The following AGBL4 variants were observed in gnomAD, a reference collection of about 807,000 sequenced individuals.
AGBL4 encodes AGBL carboxypeptidase 4.
A neutral mutation model predicts 66.4 loss-of-function variants in AGBL4; 58 were observed. That is an observed-to-expected ratio of 0.87 (90% CI 0.71 to 1.09). The LOEUF (loss-of-function observed/expected upper bound fraction) is 1.09, where lower values mean the gene tolerates loss of function less well. Ranked by LOEUF, AGBL4 falls within the 50% of genes least tolerant of loss-of-function variation. The probability of loss-of-function intolerance (pLI) is 0.00; values close to 1 mark genes in which losing one functional copy is unlikely to be tolerated. For synonymous variants in AGBL4, 234 were observed against 222.9 expected, an observed-to-expected ratio of 1.05 and a Z score of -0.44; for missense variants, 579 against 631.0, an observed-to-expected ratio of 0.92 and a Z score of 0.88.
intron 8 of AGBL4, among the ~76,000 whole-genome samples, chr1:48,647,803 G>A (rs1358864438): frequency 2.0e-5 from 3 of 152,196 alleles, no homozygotes; most frequent in Non-Finnish European, 4.4e-5. Context: ...AAGTGCTGCA[G>A]TGTGTGTTGT....
intron 3 of AGBL4, among the ~76,000 whole-genome samples, chr1:49,691,103 G>A (rs1646878183): frequency 6.6e-6 from 1 of 152,120 alleles, no homozygotes; most frequent in African/African-American, 2.4e-5. Context: ...AGGAGAAAAG[G>A]AAGGTCGAAA....
intron 3 of AGBL4, among the ~76,000 whole-genome samples, chr1:49,340,920 G>C (rs779645672): frequency 6.6e-6 from 1 of 152,180 alleles, no homozygotes; most frequent in Non-Finnish European, 1.5e-5. Flanking sequence ...TTTAAAGATA[G>C]TAATATAGAT....
intron 9 of AGBL4, among the ~76,000 whole-genome samples, chr1:48,605,103 C>T (rs1159380702): frequency 2.0e-5 from 3 of 152,264 alleles, no homozygotes; most frequent in East Asian, 3.9e-4. Flanking sequence ...GAATGCATTG[C>T]TTAAGTTTAC....
chr1:50,008,196 A>G (rs1039351819), intron 1 of AGBL4, among the ~76,000 whole-genome samples: 1 of 152,216 alleles, frequency 6.6e-6, no homozygotes, highest in African/African-American at 2.4e-5. Flanking sequence ...GAACATTTCA[A>G]CCAATGGCTG....
intron 3 of AGBL4, among the ~76,000 whole-genome samples, chr1:49,679,575 T>C (rs919119927): frequency 3.9e-5 from 6 of 152,190 alleles, no homozygotes; most frequent in Non-Finnish European, 7.3e-5. Context: ...GAATTATGCA[T>C]ATGTTAGGGC....
intron 3 of AGBL4, among the ~76,000 whole-genome samples, chr1:49,446,990 G>A (rs1646172491): frequency 6.6e-6 from 1 of 152,092 alleles, no homozygotes; most frequent in South Asian, 2.1e-4. Flanking sequence ...CAGAGGCCAT[G>A]CCACCAGTTG....
chr1:49,998,445 A>T (rs1451610497), intron 1 of AGBL4, among the ~76,000 whole-genome samples: 1 of 152,140 alleles, frequency 6.6e-6, no homozygotes, highest in East Asian at 1.9e-4. Flanking sequence ...TGGTAATTTT[A>T]AAATTGCCAA....
chr1:49,084,012 G>T (rs557155045), intron 4 of AGBL4, among the ~76,000 whole-genome samples: 1 of 152,302 alleles, frequency 6.6e-6, no homozygotes, highest in African/African-American at 2.4e-5. Flanking sequence ...CTTTGCTCCA[G>T]TTCCCAACAA....
intron 6 of AGBL4, among the ~76,000 whole-genome samples, chr1:48,790,040 A>G (rs190520489): frequency 4.0e-4 from 61 of 152,334 alleles, no homozygotes; most frequent in Admixed American, 2.5e-3. Context: ...GCACATTTTC[A>G]AGAAGCTGAA....
At chr1:49,486,387 C>A (rs1469140277) in intron 3 of AGBL4, among the ~76,000 whole-genome samples, 1 of 151,818 alleles carries the variant, frequency 6.6e-6, no homozygotes, top group Non-Finnish European at 1.5e-5. Flanking sequence ...TTAAACACAC[C>A]CAACCCTCTG....
intron 7 of AGBL4, among the ~76,000 whole-genome samples, chr1:48,654,862 T>A (rs1482299437): frequency 3.3e-5 from 5 of 152,256 alleles, no homozygotes; most frequent in Non-Finnish European, 7.3e-5. Flanking sequence ...CCAGATGCCC[T>A]AATTTATTTG....
At position 48,961,080 on chromosome 1, in the gene AGBL4, G is replaced by GGGGTGT. The variant is rs1553130836; in HGVS notation, c.594+84503_594+84504insACACCC. Reference sequence around the variant, plus strand: ...TGCCCTTGGGCAGATCCCAGTCTGGGGTGTGTGTGTGTGTGTGTGTGTGTG... The same window carrying GGGGTGT: ...TGCCCTTGGGCAGATCCCAGTCTGGGGGGTGTGTGTGTGTGTGTGTGTGTGTGTGTG... On this transcript the variant is annotated intron_variant, in intron 5 of 13. Transcript: ENST00000371839. Among the ~76,000 whole-genome samples, 460 of 148,708 alleles carry GGGGTGT rather than the reference G, an allele frequency of 3.1e-3. 3 individuals carry two copies. The highest frequency in any genetic ancestry group is 0.01 in the African/African-American group (408 of 40,688).
At chr1:48,721,294 A>T (rs995197065) in intron 6 of AGBL4, among the ~76,000 whole-genome samples, 60 of 152,198 alleles carry the variant, frequency 3.9e-4, no homozygotes, top group Non-Finnish European at 6.9e-4. Context: ...TCAGACCCTA[A>T]AGTCTCCAGA....
At chr1:49,645,541 T>C (rs1450670585) in intron 3 of AGBL4, among the ~76,000 whole-genome samples, 3 of 151,426 alleles carry the variant, frequency 2.0e-5, no homozygotes, top group Non-Finnish European at 4.4e-5. Context: ...AAGACTGAAT[T>C]CGTCATTAAA....
At chr1:48,685,308 C>A (rs904250499) in intron 6 of AGBL4, among the ~76,000 whole-genome samples, 4 of 152,122 alleles carry the variant, frequency 2.6e-5, no homozygotes, top group African/African-American at 9.7e-5. Flanking sequence ...AGCCATGGAG[C>A]CTTAAACATC....
intron 5 of AGBL4, among the ~76,000 whole-genome samples, chr1:49,037,801 C>A (rs1354918314): frequency 6.6e-6 from 1 of 151,956 alleles, no homozygotes; most frequent in Admixed American, 6.6e-5. Context: ...TTGTGTTAAT[C>A]TTCTCTCCCC....
At chr1:49,849,039 G>A (rs1056184170) in intron 2 of AGBL4, among the ~76,000 whole-genome samples, 3 of 152,050 alleles carry the variant, frequency 2.0e-5, no homozygotes, top group African/African-American at 7.2e-5. Flanking sequence ...AAAAAAGGTG[G>A]GGGGATGAGT....
intron 3 of AGBL4, among the ~76,000 whole-genome samples, chr1:49,460,370 T>G (rs1646485095): frequency 6.6e-6 from 1 of 151,718 alleles, no homozygotes; most frequent in African/African-American, 2.4e-5. Flanking sequence ...TAACTACTGT[T>G]GTTTTCAAGT....
At chr1:49,050,408 G>C (rs1314188069) in intron 4 of AGBL4, among the ~76,000 whole-genome samples, 2 of 152,194 alleles carry the variant, frequency 1.3e-5, no homozygotes, top group African/African-American at 4.8e-5. Flanking sequence ...ATGGCAGGTA[G>C]TACATATTGT....
Sources: allele counts gnomAD v4.1 joint callset (sites outside exome capture counted in the v4.1 genomes callset), GRCh38; gene constraint gnomAD v4.1.1; transcripts MANE v1.5; gene names NCBI Gene and HGNC (gene_info 2026-07-23, HGNC 2026-07-21).